Variants in NR2F2 observed in about 807,000 individuals in gnomAD.
The protein encoded by NR2F2 is nuclear receptor subfamily 2 group F member 2.
NR2F2 carries 2 observed loss-of-function variants against 34.8 expected under a neutral mutation model. The ratio of observed to expected loss-of-function variants is 0.06; its 90% CI spans 0.02 to 0.18. NR2F2 has a LOEUF of 0.18. Ranked by LOEUF, NR2F2 falls within the 10% of genes least tolerant of loss-of-function variation. The pLI is 1.00. For synonymous variants in NR2F2, 274 were observed against 251.8 expected (o/e 1.09, Z -0.84); for missense variants, 300 against 580.1 (o/e 0.52, Z 4.96).
rs1212439291 is a variant in NR2F2, at chr15:96,339,861, G to GC, written c.*2239_*2240insC. 2 of 151,936 alleles carry GC rather than the reference G, an allele frequency of 1.3e-5. No homozygotes were observed. The highest frequency in any genetic ancestry group is 2.9e-5 in the Non-Finnish European group (2 of 67,982). 9.4% of individuals were successfully genotyped at this position (151,936 alleles called of 1,614,324 possible). A position where few individuals can be genotyped will look rare whatever the true frequency, so the allele number is the denominator to read the frequency against. On this transcript the variant is annotated 3_prime_UTR_variant, in exon 3 of 3. Coordinates refer to ENST00000394166, the MANE Select transcript of NR2F2 (RefSeq NM_021005.4). ...TTGTGGTTTAATTCTAATTGGTGGG[G>GC]GGGGGGGAGGACTAGTGAGGGAGGT...
At chr15:96,327,077 A>G (rs1314549185), upstream of NR2F2, 1 of 152,116 alleles carries the variant, frequency 6.6e-6, no homozygotes, top group African/African-American at 2.4e-5. Flanking sequence ...AGAACATTCA[A>G]GGAGCGGTTC....
At chr15:96,326,646 C>G (rs1898996384), upstream of NR2F2, among the ~76,000 whole-genome samples, 1 of 152,040 alleles carries the variant, frequency 6.6e-6, no homozygotes, top group Non-Finnish European at 1.5e-5. The surrounding 1 kb of genome is among the most constrained non-coding windows in gnomAD (Gnocchi z 5.5). Context: ...GACTGCGGAG[C>G]CTCCTATCTC....
chr15:96,333,680 C>T (rs1807953905), intron 1 of NR2F2: 9 of 1,110,616 alleles, frequency 8.1e-6, no homozygotes, highest in Non-Finnish European at 9.9e-6. Flanking sequence ...GCCTCACCCT[C>T]CCCCCAGACT....
upstream of NR2F2, among the ~76,000 whole-genome samples, chr15:96,329,653 T>G (rs1414634122): frequency 6.6e-6 from 1 of 152,186 alleles, no homozygotes; most frequent in East Asian, 1.9e-4. Flanking sequence ...CATGTGCGCT[T>G]ACATGTGTGT....
At chr15:96,326,575 A>AG (rs1019854160), upstream of NR2F2, among the ~76,000 whole-genome samples, 1 of 147,468 alleles carries the variant, frequency 6.8e-6, no homozygotes. The surrounding 1 kb of genome is among the most constrained non-coding windows in gnomAD (Gnocchi z 5.5). Flanking sequence ...GAGATGGTGG[A>AG]GGGGGAGGGG....
Position 96,330,798 on chromosome 15 carries a change from T to C in NR2F2, c.-1308T>C. 9.6e-7 allele frequency: 1 copy of C among 1,043,826 alleles called. No homozygotes were observed. The highest frequency in any genetic ancestry group is 1.2e-6 in the Non-Finnish European group (1 of 843,132). 64.7% of individuals were successfully genotyped at this position (1,043,826 alleles called of 1,614,324 possible). ...ATCACTTTGATTCTCTGTTCTTTTC[T>C]CTCCGCGGTGTGTGTGTGCGTGCGC... On this transcript the variant is annotated 5_prime_UTR_variant, in exon 1 of 3. Transcript: ENST00000394166.
chr15:96,332,009 AGGC>A lies in NR2F2; in HGVS notation c.-92_-90del. ...CCTCTTGCACCCTCGCACACACAAA[AGGC>A]GGCGCGCCGGAGCCCGAGACCCGGG... On this transcript the variant is annotated 5_prime_UTR_variant, in exon 1 of 3. Coordinates refer to ENST00000394166, the MANE Select transcript of NR2F2 (RefSeq NM_021005.4). 1 of 1,210,832 alleles carries A rather than the reference AGGC, an allele frequency of 8.3e-7. No homozygotes were observed. 75.0% of individuals were successfully genotyped at this position (1,210,832 alleles called of 1,614,324 possible).
In NR2F2 at chr15:96,334,611, G is replaced by T; in HGVS notation, c.970+8G>T. 1 of 1,582,388 alleles carries T rather than the reference G, an allele frequency of 6.3e-7. No individual in the cohort carries two copies. Among genetic ancestry groups the T allele is most frequent in the Non-Finnish European group, 8.6e-7 (1 of 1,160,332 alleles). On this transcript the variant is annotated splice_region_variant and intron_variant, in intron 2 of 2. Coordinates refer to ENST00000394166, the MANE Select transcript of NR2F2 (RefSeq NM_021005.4). Reference sequence around the variant, plus strand: ...TAGTCCTGTTCACCTCAGGTAGGAAGGAGCCCTGTCTTCTCGTGCCCACGG... The same window carrying T: ...TAGTCCTGTTCACCTCAGGTAGGAATGAGCCCTGTCTTCTCGTGCCCACGG...
Position 96,331,816 on chromosome 15 carries a change from C to A in NR2F2, c.-290C>A. The A allele has an allele frequency of 8.3e-7, 1 of 1,201,916 alleles. No homozygotes were observed. The highest frequency in any genetic ancestry group is 1.0e-6 in the Non-Finnish European group (1 of 968,938). The allele number at this position is 1,201,916 out of a possible 1,614,324, so 74.5% of individuals were successfully genotyped here. A position where few individuals can be genotyped will look rare whatever the true frequency, so the allele number is the denominator to read the frequency against. On this transcript the variant is annotated 5_prime_UTR_variant, in exon 1 of 3. Coordinates refer to ENST00000394166, the MANE Select transcript of NR2F2 (RefSeq NM_021005.4). ...CTGTCCCCTTCCCCTCCCCTCCCGG[C>A]GGAAAGCCCCCCGAAACCAACAAAG...
intron 2 of NR2F2, 21 bp downstream of exon 2, chr15:96,334,624 C>T: frequency 1.9e-6 from 3 of 1,566,590 alleles, no homozygotes; most frequent in Non-Finnish European, 2.6e-6. Context: ...GCCCTGTCTT[C>T]TCGTGCCCAC....
intron 2 of NR2F2, 38 bp from the exon 3 acceptor site, chr15:96,337,310 T>C (rs1187729821): frequency 6.5e-7 from 1 of 1,529,534 alleles, no homozygotes; most frequent in Non-Finnish European, 8.9e-7. Flanking sequence ...TTCTTCTTTT[T>C]CTTCTTCTTC....
chr15:96,326,348 T>C (rs1246571909), upstream of NR2F2: 1 of 1,612,232 alleles, frequency 6.2e-7, no homozygotes, highest in Non-Finnish European at 8.5e-7. This position sits in a 1 kb window ranked among gnomAD's most constrained non-coding sequence, Gnocchi z 5.5. Flanking sequence ...GCAAATATGG[T>C]TTTGGTATGT....
chr15:96,331,143 C>T lies in NR2F2; in HGVS notation c.-963C>T. On this transcript the variant is annotated 5_prime_UTR_variant, in exon 1 of 3. Coordinates refer to ENST00000394166, the MANE Select transcript of NR2F2 (RefSeq NM_021005.4). ...GGCGCTAGACGCAGCGGCTCCGGGC[C>T]CGACCCGGCGGCTTCGGCGGCGGCT... 9.2e-7 allele frequency: 1 copy of T among 1,086,548 alleles called. No homozygotes were observed. The highest frequency in any genetic ancestry group is 1.1e-6 in the Non-Finnish European group (1 of 890,338). 67.3% of individuals were successfully genotyped at this position (1,086,548 alleles called of 1,614,324 possible).
intron 2 of NR2F2, among the ~76,000 whole-genome samples, chr15:96,335,426 G>C (rs1596429740): frequency 6.6e-6 from 1 of 152,222 alleles, no homozygotes; most frequent in African/African-American, 2.4e-5. Flanking sequence ...TAATTAACTT[G>C]AGGCAAAATG....
At chr15:96,337,223 AG>A in intron 2 of NR2F2, 124 bp from the exon 3 acceptor site, 1 of 1,110,762 alleles carries the variant, frequency 9.0e-7, no homozygotes, top group Non-Finnish European at 1.3e-6. Context: ...GCAGTTTGAC[AG>A]AGCTCTGTGC....
intron 1 of NR2F2, chr15:96,333,335 C>T: frequency 2.0e-6 from 2 of 1,001,992 alleles, no homozygotes; most frequent in Non-Finnish European, 1.2e-6. Flanking sequence ...GAGAGCGACT[C>T]TCCCGGTCCG....
Position 96,331,242 on chromosome 15 carries a change from C to T in NR2F2, c.-864C>T. 3 of 985,772 alleles carry T rather than the reference C, an allele frequency of 3.0e-6. No homozygotes were observed. Among genetic ancestry groups the T allele is most frequent in the Non-Finnish European group, 3.6e-6 (3 of 831,338 alleles). The allele number at this position is 985,772 out of a possible 1,614,324, so 61.1% of individuals were successfully genotyped here. On this transcript the variant is annotated 5_prime_UTR_variant, in exon 1 of 3. Coordinates refer to ENST00000394166, the MANE Select transcript of NR2F2 (RefSeq NM_021005.4). ...TCCACCCAGCGACTGCGGGCGGCGGCGGCCGGAGAGAGCGAGGCGCGCGCC... is the reference window on the plus strand; with the variant it reads ...TCCACCCAGCGACTGCGGGCGGCGGTGGCCGGAGAGAGCGAGGCGCGCGCC...
chr15:96,334,667 C>T (rs1021670806), intron 2 of NR2F2, 64 bp downstream of exon 2: 2 of 1,511,578 alleles, frequency 1.3e-6, no homozygotes, highest in East Asian at 2.3e-5. Context: ...GCCCAGAGAA[C>T]TTGGGAGTCC....
upstream of NR2F2, among the ~76,000 whole-genome samples, chr15:96,328,404 G>A (rs1899046530): frequency 6.6e-6 from 1 of 152,164 alleles, no homozygotes; most frequent in South Asian, 2.1e-4. Flanking sequence ...TCTCATTCAG[G>A]AGGTGAGATG....
Sources: allele counts gnomAD v4.1 joint callset (sites outside exome capture counted in the v4.1 genomes callset), GRCh38; gene constraint gnomAD v4.1.1; non-coding constraint Gnocchi (gnomAD v3.1); transcripts MANE v1.5; gene names NCBI Gene and HGNC (gene_info 2026-07-23, HGNC 2026-07-21).